PPP6R2: variants seen among roughly 807,000 people sequenced by gnomAD.
PPP6R2 encodes protein phosphatase 6 regulatory subunit 2.
PPP6R2 carries 62 observed loss-of-function variants against 100.2 expected under a neutral mutation model. The observed-to-expected ratio is 0.62, with a 90% CI of 0.50 to 0.76. The LOEUF (loss-of-function observed/expected upper bound fraction) is 0.76. Ranked by LOEUF, PPP6R2 falls within the 30% of genes least tolerant of loss-of-function variation. The pLI is 0.00. For missense variants in PPP6R2, 1,142 were observed against 1,276.3 expected, an observed-to-expected ratio of 0.89 and a Z score of 1.60; for synonymous variants, 525 against 514.7, an observed-to-expected ratio of 1.02 and a Z score of -0.27.
At chr22:50,332,231 A>T in the PPP6R2 span, among the ~76,000 whole-genome samples, 175 of 145,210 alleles carry the variant, frequency 1.2e-3, 1 homozygote, top group African/African-American at 4.2e-3. Context: ...CTTCTAGAAG[A>T]TTTTTTTTTT....
Position 50,382,365 on chromosome 22 carries a change from A to G in PPP6R2, c.-17+10215A>G, listed in dbSNP as rs533415513. ...TGTAATCCCAGCACTTTGGGAGGCT[A>G]AGGCGGGCGGATCACAAGGTCAGGA... On this transcript the variant is annotated intron_variant, in intron 2 of 23. Coordinates refer to ENST00000612753, the MANE Select transcript of PPP6R2 (RefSeq NM_001242898.2). Among the ~76,000 whole-genome samples the G allele has an allele frequency of 1.6e-3, 237 of 152,096 alleles. 1 individual carries two copies. In the South Asian group the frequency reaches 0.016, roughly 10 times the overall value.
chr22:50,407,886 G>A (rs1259894480), intron 4 of PPP6R2, among the ~76,000 whole-genome samples: 2 of 150,834 alleles, frequency 1.3e-5, no homozygotes, highest in Non-Finnish European at 3.0e-5. Context: ...CAGTATGTAT[G>A]TACATTTATT....
intron 3 of PPP6R2, among the ~76,000 whole-genome samples, chr22:50,404,781 A>G (rs951693380): frequency 3.9e-5 from 6 of 152,058 alleles, no homozygotes; most frequent in African/African-American, 1.4e-4. Flanking sequence ...CAGAGAGGAC[A>G]GGTCACTTGC....
chr22:50,333,915 G>A, the PPP6R2 span, among the ~76,000 whole-genome samples: 4 of 152,220 alleles, frequency 2.6e-5, no homozygotes, highest in Non-Finnish European at 5.9e-5. Context: ...GTAAGGTCAC[G>A]CGAGTCACGT....
At chr22:50,387,809 G>A (rs896162585) in intron 2 of PPP6R2, among the ~76,000 whole-genome samples, 9 of 152,158 alleles carry the variant, frequency 5.9e-5, no homozygotes, top group African/African-American at 1.7e-4. Flanking sequence ...CTCTGTTTCC[G>A]TCTCTTTACG....
chr22:50,400,366 G>A (rs555358669), intron 3 of PPP6R2, among the ~76,000 whole-genome samples: 1 of 152,170 alleles, frequency 6.6e-6, no homozygotes, highest in Non-Finnish European at 1.5e-5. Flanking sequence ...GATGGAGTTC[G>A]TGGGTGGTGA....
chr22:50,433,024 C>T (rs1222914928), intron 12 of PPP6R2, among the ~76,000 whole-genome samples: 3 of 152,280 alleles, frequency 2.0e-5, no homozygotes, highest in Admixed American at 6.5e-5. Flanking sequence ...GCCTTTCTGC[C>T]TCCATTTCCC....
At chr22:50,362,346 T>A (rs2047957458) in intron 1 of PPP6R2, among the ~76,000 whole-genome samples, 1 of 152,212 alleles carries the variant, frequency 6.6e-6, no homozygotes, top group South Asian at 2.1e-4. Context: ...CTCTCGGGGC[T>A]GTGTGTTAAA....
intron 2 of PPP6R2, among the ~76,000 whole-genome samples, chr22:50,385,150 C>G (rs572743346): frequency 6.6e-5 from 10 of 152,206 alleles, no homozygotes; most frequent in Non-Finnish European, 7.4e-5. Context: ...ATCCAATTAC[C>G]TCTTAAAGGC....
chr22:50,339,728 T>TGTGTG (rs2042348226), upstream of PPP6R2, among the ~76,000 whole-genome samples: 2 of 128,140 alleles, frequency 1.6e-5, no homozygotes, highest in African/African-American at 2.9e-5. Context: ...GGGTGTGTGT[T>TGTGTG]GTGTGTGTGG....
chr22:50,333,916 C>T, the PPP6R2 span, among the ~76,000 whole-genome samples: 2 of 152,164 alleles, frequency 1.3e-5, no homozygotes, highest in South Asian at 2.1e-4. Context: ...TAAGGTCACG[C>T]GAGTCACGTG....
intron 12 of PPP6R2, among the ~76,000 whole-genome samples, chr22:50,433,413 T>C (rs569937549): frequency 1.2e-4 from 5 of 40,094 alleles, no homozygotes; most frequent in Admixed American, 5.9e-4. Flanking sequence ...GGAGGAGGGC[T>C]GGGGGCATGG....
Position 50,414,702 on chromosome 22 carries a change from G to GT in PPP6R2, c.552+14dup. On this transcript the variant is annotated intron_variant, in intron 5 of 23. Transcript: ENST00000612753. Reference sequence around the variant, plus strand: ...GGACGTCCTGCACGTGAGTGCGGGAGTCCCCCCCCGTTCCCGAGGGCAGGG... The same window carrying GT: ...GGACGTCCTGCACGTGAGTGCGGGAGTTCCCCCCCCGTTCCCGAGGGCAGGG... The GT allele has an allele frequency of 3.9e-6, 6 of 1,549,322 alleles. No individual in the cohort carries two copies. Among genetic ancestry groups the GT allele is most frequent in the Admixed American group, 1.9e-5 (1 of 51,564 alleles).
intron 2 of PPP6R2, among the ~76,000 whole-genome samples, chr22:50,381,770 C>T (rs976334856): frequency 5.9e-5 from 9 of 151,888 alleles, no homozygotes; most frequent in South Asian, 2.1e-4. Context: ...TAGCCGGGCA[C>T]GGTGGCGGGC....
intron 22 of PPP6R2, among the ~76,000 whole-genome samples, chr22:50,441,918 G>A (rs1472175693): frequency 6.6e-5 from 10 of 152,138 alleles, no homozygotes; most frequent in Non-Finnish European, 5.9e-5. Context: ...TGGGCTTGAC[G>A]TGGGGAGGAG....
intron 1 of PPP6R2, among the ~76,000 whole-genome samples, chr22:50,368,358 A>G (rs1233428528): frequency 1.3e-5 from 2 of 152,122 alleles, no homozygotes; most frequent in Non-Finnish European, 2.9e-5. Flanking sequence ...TGGCGCTACC[A>G]CTAGACCAAG....
the PPP6R2 span, among the ~76,000 whole-genome samples, chr22:50,334,221 T>C: frequency 6.6e-6 from 1 of 152,166 alleles, no homozygotes; most frequent in Admixed American, 6.5e-5. Flanking sequence ...GAGCAGAGTC[T>C]TCTCTAACTC....
Position 50,443,897 on chromosome 22 carries a change from C to T in PPP6R2, c.2611C>T (p.Pro871Ser). The change falls in exon 23 of 24, where the codon CCT (proline) becomes TCT (serine). Residue 871 changes from proline (P) to serine (S), a missense_variant. Transcript: ENST00000612753. Reference protein sequence around the residue: ...VGCADSRLLSPACPAPKEVTA... With the variant: ...VGCADSRLLSSACPAPKEVTA... ...GTGTGCTGACAGCCGGCTGTTAAGC[C>T]CTGCCTGCCCCGCGCCAAAGGAAGT... The T allele has an allele frequency of 6.3e-7, 1 of 1,588,262 alleles. No homozygotes were observed. Among genetic ancestry groups the T allele is most frequent in the Non-Finnish European group, 8.6e-7 (1 of 1,167,470 alleles).
At chr22:50,425,829 G>T (rs569176759) in intron 10 of PPP6R2, among the ~76,000 whole-genome samples, 1 of 151,746 alleles carries the variant, frequency 6.6e-6, no homozygotes, top group South Asian at 2.1e-4. Context: ...AGCTTCGTTG[G>T]AGAAATGTCT....
Sources: gnomAD v4.1 joint callset for allele counts (sites outside exome capture counted in the v4.1 genomes callset) on GRCh38, gnomAD v4.1.1 for gene constraint, MANE v1.5 for transcripts, NCBI Gene and HGNC (gene_info 2026-07-23, HGNC 2026-07-21) for gene names.